Variants in MAGED1 observed in about 807,000 individuals in gnomAD.
MAGED1 encodes the protein MAGE family member D1, also known as melanoma-associated antigen D1.
In MAGED1, 3 loss-of-function variants were observed where a neutral mutation model predicts 54.1. That is an observed-to-expected ratio of 0.06 (90% CI 0.03 to 0.14). MAGED1 has a LOEUF of 0.14. Ranked by LOEUF, MAGED1 falls within the 10% of genes least tolerant of loss-of-function variation. The pLI is 1.00. For synonymous variants in MAGED1, 217 were observed against 227.3 expected (o/e 0.95, Z 0.41); for missense variants, 485 against 623.4 (o/e 0.78, Z 2.36).
At chrX:51,809,751 C>T (rs1439480466) in intron 1 of MAGED1, among the ~76,000 whole-genome samples, 7 of 110,937 alleles carry the variant, frequency 6.3e-5, no homozygotes, top group Admixed American at 1.9e-4. Flanking sequence ...TGTAGCTTTT[C>T]CCACCAACCT....
chrX:51,840,627 TC>T (rs1295579453), intron 1 of MAGED1, among the ~76,000 whole-genome samples: 2 of 107,414 alleles, frequency 1.9e-5, no homozygotes, highest in Non-Finnish European at 3.9e-5. Context: ...ATGTTCCCCT[TC>T]CTGTGTCCAT....
intron 1 of MAGED1, among the ~76,000 whole-genome samples, chrX:51,849,309 A>G (rs1193760759): frequency 9.0e-6 from 1 of 111,181 alleles, no homozygotes; most frequent in Non-Finnish European, 1.9e-5. Context: ...TTTATAATGC[A>G]TCTTAATATT....
intron 1 of MAGED1, among the ~76,000 whole-genome samples, chrX:51,820,685 A>G (rs1557356460): frequency 4.5e-5 from 5 of 111,952 alleles, no homozygotes. Context: ...CAATAGATGT[A>G]TACATTGTGC....
At chrX:51,833,996 A>G (rs1428835336) in intron 1 of MAGED1, among the ~76,000 whole-genome samples, 2 of 111,760 alleles carry the variant, frequency 1.8e-5, no homozygotes, top group East Asian at 5.6e-4. Context: ...CTTGAAATAT[A>G]TGAAATTATT....
chrX:51,882,146 C>T (rs991365069), intron 1 of MAGED1, among the ~76,000 whole-genome samples: 1 of 111,506 alleles, frequency 9.0e-6, no homozygotes, highest in Non-Finnish European at 1.9e-5. Flanking sequence ...TTCTGATAGG[C>T]AAAATGGTAA....
At chrX:51,831,909 A>G (rs1452676451) in intron 1 of MAGED1, among the ~76,000 whole-genome samples, 1 of 111,747 alleles carries the variant, frequency 8.9e-6, no homozygotes, top group East Asian at 2.8e-4. Context: ...TAATAGTTGT[A>G]TATATTTATG....
At chrX:51,812,621 T>C (rs1557355627) in intron 1 of MAGED1, among the ~76,000 whole-genome samples, 2 of 112,278 alleles carry the variant, frequency 1.8e-5, no homozygotes, top group Non-Finnish European at 3.8e-5. Context: ...AGATATTCCA[T>C]TGTATGAGTA....
intron 1 of MAGED1, among the ~76,000 whole-genome samples, chrX:51,814,914 T>A (rs1238937079): frequency 1.9e-5 from 2 of 105,059 alleles, no homozygotes; most frequent in African/African-American, 7.0e-5. Context: ...GCAGATCACT[T>A]GAAGTCAGGA....
intron 7 of MAGED1, 56 bp from the exon 8 acceptor site, chrX:51,898,058 T>C (rs1193259119): frequency 9.3e-7 from 1 of 1,078,843 alleles, no homozygotes; most frequent in Non-Finnish European, 1.3e-6. Flanking sequence ...GGCAAGCTGG[T>C]TGGGGTCTCT....
intron 1 of MAGED1, among the ~76,000 whole-genome samples, chrX:51,879,224 A>T (rs1927973562): frequency 9.0e-6 from 1 of 111,685 alleles, no homozygotes; most frequent in African/African-American, 3.2e-5. Context: ...GGAAAGCTTC[A>T]TTTATTCCTT....
chrX:51,895,764 A>G lies in MAGED1; in HGVS notation c.753+4A>G. 8.7e-7 allele frequency: 1 copy of G among 1,149,321 alleles called. No individual in the cohort carries two copies. The allele number at this position is 1,149,321 out of a possible 1,213,427, so 94.7% of individuals were successfully genotyped here. A position where few individuals can be genotyped will look rare whatever the true frequency, so the allele number is the denominator to read the frequency against. The stretch of plus-strand genomic sequence containing the variant: ...TCGGGGCAAGAGGACCCGCAAGGTG[A>G]GATCTCTGCTAACTTCATTTTGCTT... On this transcript the variant is annotated splice_donor_region_variant and intron_variant, in intron 3 of 12. Transcript: ENST00000326587.
At chrX:51,875,012 G>T (rs187177257) in intron 1 of MAGED1, among the ~76,000 whole-genome samples, 1 of 110,918 alleles carries the variant, frequency 9.0e-6, no homozygotes, top group East Asian at 2.8e-4. Flanking sequence ...TGTTAGGCAG[G>T]ACCACAGCAG....
chrX:51,813,588 G>C (rs1925304331), intron 1 of MAGED1, among the ~76,000 whole-genome samples: 1 of 112,022 alleles, frequency 8.9e-6, no homozygotes, highest in Non-Finnish European at 1.9e-5. Context: ...GTTTATGTAA[G>C]TAAGTAGTAA....
rs1193319637 is a variant in MAGED1, at chrX:51,850,731, T to A, written c.-36-43538T>A. Among the ~76,000 whole-genome samples the A allele has an allele frequency of 2.7e-5, 3 of 110,458 alleles. No individual in the cohort carries two copies. The Admixed American group carries it at 2.9e-4, about 11-fold the overall frequency. On this transcript the variant is annotated intron_variant, in intron 1 of 12. Transcript: ENST00000375772. Reference sequence around the variant, plus strand: ...CTGGCCAACATGATGAAACCCTGTCTCTACCAAAAATACAAAAAATTAGCC... The same window carrying A: ...CTGGCCAACATGATGAAACCCTGTCACTACCAAAAATACAAAAAATTAGCC...
At chrX:51,831,649 A>G (rs1448490012) in intron 1 of MAGED1, among the ~76,000 whole-genome samples, 1 of 111,638 alleles carries the variant, frequency 9.0e-6, no homozygotes, top group Admixed American at 9.5e-5. Context: ...TAAATACATA[A>G]TAATTTTAAT....
At chrX:51,856,271 A>T (rs781878790) in intron 1 of MAGED1, among the ~76,000 whole-genome samples, 1 of 112,191 alleles carries the variant, frequency 8.9e-6, no homozygotes, top group East Asian at 2.8e-4. Flanking sequence ...TTTGGAATAG[A>T]TTGCTTGAAG....
chrX:51,813,676 T>C (rs1557355768), intron 1 of MAGED1, among the ~76,000 whole-genome samples: 1 of 111,876 alleles, frequency 8.9e-6, no homozygotes, highest in African/African-American at 3.2e-5. Flanking sequence ...GGTCCCTCCT[T>C]CTTCTGCAGG....
intron 1 of MAGED1, among the ~76,000 whole-genome samples, chrX:51,863,636 CTTG>C (rs1235832975): frequency 1.2e-4 from 14 of 112,063 alleles, no homozygotes; most frequent in Admixed American, 9.4e-5. Flanking sequence ...TTTGCCAACA[CTTG>C]TTATCATTTG....
chrX:51,854,943 CCTT>C, intron 1 of MAGED1, among the ~76,000 whole-genome samples: 2 of 111,718 alleles, frequency 1.8e-5, no homozygotes, highest in Middle Eastern at 4.6e-3. Flanking sequence ...GTCAACACCT[CCTT>C]TGTTCAGATA....
Sources: gnomAD v4.1 joint callset for allele counts (sites outside exome capture counted in the v4.1 genomes callset) on GRCh38, gnomAD v4.1.1 for gene constraint, MANE v1.5 for transcripts, NCBI Gene and HGNC (gene_info 2026-07-23, HGNC 2026-07-21) for gene names.